The following DCAF8L2 variants were observed in gnomAD, a reference collection of about 807,000 sequenced individuals.
DCAF8L2 encodes the protein DDB1- and CUL4-associated factor 8-like protein 2.
For synonymous variants in DCAF8L2, 200 were observed against 190.9 expected, an observed-to-expected ratio of 1.05 and a Z score of -0.39; for missense variants, 430 against 490.7, an observed-to-expected ratio of 0.88 and a Z score of 1.17.
chrX:27,498,802 G>A, the DCAF8L2 span, among the ~76,000 whole-genome samples: 1 of 112,173 alleles, frequency 8.9e-6, no homozygotes, highest in Non-Finnish European at 1.9e-5. Context: ...GGATCATGTA[G>A]TATTTGTCTT....
At chrX:27,506,842 C>T in the DCAF8L2 span, among the ~76,000 whole-genome samples, 1 of 111,127 alleles carries the variant, frequency 9.0e-6, no homozygotes, top group Non-Finnish European at 1.9e-5. Context: ...TAAGGCTCAC[C>T]CTAATTACCT....
At chrX:27,704,061 GTA>G (rs34734812) in intron 3 of DCAF8L2, among the ~76,000 whole-genome samples, 3 of 99,149 alleles carry the variant, frequency 3.0e-5, no homozygotes, top group Admixed American at 1.1e-4. Context: ...CATTGTGTGT[GTA>G]TATATATATA....
chrX:27,514,496 C>T, the DCAF8L2 span, among the ~76,000 whole-genome samples: 3 of 105,070 alleles, frequency 2.9e-5, no homozygotes, highest in Non-Finnish European at 5.9e-5. Flanking sequence ...GGTGAAACCC[C>T]GTCTCTACTA....
At chrX:27,497,824 C>A in the DCAF8L2 span, among the ~76,000 whole-genome samples, 1 of 111,868 alleles carries the variant, frequency 8.9e-6, no homozygotes, top group East Asian at 2.8e-4. Context: ...GCCTCGGCCT[C>A]CCAAAGTGCT....
intron 3 of DCAF8L2, among the ~76,000 whole-genome samples, chrX:27,714,321 T>C (rs1253253834): frequency 1.8e-5 from 2 of 111,890 alleles, no homozygotes; most frequent in African/African-American, 6.5e-5. Flanking sequence ...GTTAGAATTA[T>C]TGTTAACCTT....
chrX:27,516,612 C>T, the DCAF8L2 span, among the ~76,000 whole-genome samples: 1 of 111,442 alleles, frequency 9.0e-6, no homozygotes. Context: ...CAGAATCCCA[C>T]AGTTTGGCTC....
intron 1 of DCAF8L2, among the ~76,000 whole-genome samples, chrX:27,630,362 G>A (rs1021994697): frequency 3.6e-5 from 4 of 111,517 alleles, no homozygotes; most frequent in African/African-American, 9.8e-5. Context: ...GAGTAAGGAG[G>A]TTGAATCAAC....
upstream of DCAF8L2, among the ~76,000 whole-genome samples, chrX:27,589,394 G>A (rs139838232): frequency 6.1e-3 from 679 of 112,018 alleles, 3 homozygotes; most frequent in African/African-American, 0.021. Context: ...AGAATTTGGA[G>A]AATAAATGTA....
chrX:27,592,586 G>C (rs1251838528), intron 1 of DCAF8L2, among the ~76,000 whole-genome samples: 5 of 109,200 alleles, frequency 4.6e-5, no homozygotes, highest in Non-Finnish European at 9.5e-5. Flanking sequence ...ACAGGGGCAT[G>C]TCACCATGAC....
upstream of DCAF8L2, among the ~76,000 whole-genome samples, chrX:27,588,016 A>ATATATATATATATATATATATATAT (rs1569152546): frequency 1.0e-5 from 1 of 100,161 alleles, no homozygotes; most frequent in African/African-American, 3.8e-5. Flanking sequence ...ATATATATAT[A>ATATATATATATATATATATATATAT]ATTTCAAAGT....
chrX:27,746,919 A>C lies in DCAF8L2; in HGVS notation c.24A>C (p.Thr8=). Residue 8 remains threonine, a synonymous_variant, in exon 5 of 5, where the codon ACA becomes ACC. Transcript: ENST00000451261. MSHQEGS[T]DGLPDLGTES... is the part of the protein sequence containing the mutation. ...AGATGTCCCACCAAGAAGGCAGCACAGACGGCTTACCAGACTTAGGGACTG... is the reference window on the plus strand; with the variant it reads ...AGATGTCCCACCAAGAAGGCAGCACCGACGGCTTACCAGACTTAGGGACTG... The C allele has an allele frequency of 8.3e-7, 1 of 1,206,099 alleles. No individual in the cohort carries two copies. The highest frequency in any genetic ancestry group is 1.1e-6 in the Non-Finnish European group (1 of 892,746).
At chrX:27,651,303 G>T (rs1929138719) in intron 2 of DCAF8L2, among the ~76,000 whole-genome samples, 2 of 110,258 alleles carry the variant, frequency 1.8e-5, no homozygotes, top group Non-Finnish European at 3.8e-5. Context: ...GGTGATGTTG[G>T]CTTCATAGAA....
At chrX:27,627,306 T>A (rs1318965058) in intron 1 of DCAF8L2, 1 of 111,488 alleles carries the variant, frequency 9.0e-6, no homozygotes, top group Non-Finnish European at 1.9e-5. Context: ...CCAATAGAAT[T>A]TTCTGGCATG....
chrX:27,686,534 T>C (rs1337793176), intron 3 of DCAF8L2, among the ~76,000 whole-genome samples: 1 of 110,730 alleles, frequency 9.0e-6, no homozygotes, highest in East Asian at 2.8e-4. Context: ...AAAAGGTGTA[T>C]CTCATGAAGA....
intron 1 of DCAF8L2, among the ~76,000 whole-genome samples, chrX:27,627,702 T>C: frequency 9.3e-6 from 1 of 107,763 alleles, no homozygotes; most frequent in South Asian, 4.0e-4. Context: ...GAGACCCTCC[T>C]GGACAACATG....
chrX:27,570,096 G>T, the DCAF8L2 span, among the ~76,000 whole-genome samples: 1 of 111,025 alleles, frequency 9.0e-6, no homozygotes. Context: ...TGGAAAAACA[G>T]GTATGCTCAG....
chrX:27,574,023 T>A, the DCAF8L2 span, among the ~76,000 whole-genome samples: 1 of 110,108 alleles, frequency 9.1e-6, no homozygotes, highest in Non-Finnish European at 1.9e-5. Flanking sequence ...AGTAACAAGG[T>A]CTCCCTGTGT....
chrX:27,727,318 C>G (rs762699733), intron 4 of DCAF8L2, among the ~76,000 whole-genome samples: 1 of 111,414 alleles, frequency 9.0e-6, no homozygotes, highest in African/African-American at 3.3e-5. Flanking sequence ...TAAATGGTAT[C>G]ATTTGATGAA....
At chrX:27,502,330 AAAAAAATATATATATAT>A in the DCAF8L2 span, among the ~76,000 whole-genome samples, 49 of 35,063 alleles carry the variant, frequency 1.4e-3, 1 homozygote, top group Non-Finnish European at 2.1e-3. Flanking sequence ...AAAAAAAAAA[AAAAAAATATATATATAT>A]ATATATATAT....
Sources: allele counts gnomAD v4.1 joint callset (sites outside exome capture counted in the v4.1 genomes callset), GRCh38; gene constraint gnomAD v4.1.1; transcripts MANE v1.5; gene names NCBI Gene and HGNC (gene_info 2026-07-23, HGNC 2026-07-21).